The following DLG2 variants were observed in gnomAD, a reference collection of about 807,000 sequenced individuals.
DLG2 encodes discs large MAGUK scaffold protein 2.
Under a neutral mutation model 132.5 loss-of-function variants are expected in DLG2, and 45 were observed. That is an observed-to-expected ratio of 0.34 (90% CI 0.27 to 0.44). The LOEUF is 0.44. Among genes scored for constraint, DLG2 ranks in the 20% least tolerant of loss-of-function variants. The probability of loss-of-function intolerance (pLI) is 1.00; values close to 1 mark genes in which losing one functional copy is unlikely to be tolerated. For synonymous variants in DLG2, 424 were observed against 419.6 expected, an observed-to-expected ratio of 1.01 and a Z score of -0.13; for missense variants, 1,045 against 1,196.9, an observed-to-expected ratio of 0.87 and a Z score of 1.87.
chr11:85,573,838 T>C (rs144000340), intron 3 of DLG2, among the ~76,000 whole-genome samples: 46 of 152,340 alleles, frequency 3.0e-4, no homozygotes, highest in African/African-American at 1.1e-3. Flanking sequence ...AAAAGCTAAA[T>C]TCATGTGTGT....
intron 3 of DLG2, among the ~76,000 whole-genome samples, chr11:85,508,659 A>G (rs954093943): frequency 6.6e-6 from 1 of 152,092 alleles, no homozygotes; most frequent in African/African-American, 2.4e-5. Flanking sequence ...TACGCACCCA[A>G]TAGTTATTAA....
intron 6 of DLG2, among the ~76,000 whole-genome samples, chr11:84,827,696 A>AAAAAAAAAAT (rs2078509471): frequency 6.7e-6 from 1 of 149,770 alleles, no homozygotes; most frequent in African/African-American, 2.5e-5. Flanking sequence ...AAAAAAAAAA[A>AAAAAAAAAAT]AAGCCCAGGT....
intron 7 of DLG2, among the ~76,000 whole-genome samples, chr11:84,323,979 T>C (rs2098418504): frequency 6.6e-6 from 1 of 152,082 alleles, no homozygotes; most frequent in Admixed American, 6.6e-5. Flanking sequence ...AAGTATATAC[T>C]TCGCAAATAT....
At chr11:83,771,434 G>A (rs1035405848) in intron 18 of DLG2, among the ~76,000 whole-genome samples, 1 of 152,202 alleles carries the variant, frequency 6.6e-6, no homozygotes, top group Non-Finnish European at 1.5e-5. Flanking sequence ...TAACAATGGT[G>A]ATTATGTCTT....
chr11:84,460,203 A>G (rs1399636967), intron 7 of DLG2, among the ~76,000 whole-genome samples: 1 of 150,502 alleles, frequency 6.6e-6, no homozygotes, highest in Non-Finnish European at 1.5e-5. Context: ...CAGGGAGTAA[A>G]CTCTATTTAT....
intron 26 of DLG2, among the ~76,000 whole-genome samples, chr11:83,462,463 C>A (rs1434184397): frequency 6.6e-6 from 1 of 152,156 alleles, no homozygotes. Flanking sequence ...ATAAACTGTC[C>A]TATTGCTTCA....
At chr11:83,850,069 T>C (rs2059389710) in intron 16 of DLG2, among the ~76,000 whole-genome samples, 2 of 151,520 alleles carry the variant, frequency 1.3e-5, no homozygotes, top group South Asian at 4.2e-4. Flanking sequence ...GACAGGGAGG[T>C]AAGTAAAAAT....
At chr11:85,609,001 C>T (rs915095011) in intron 2 of DLG2, among the ~76,000 whole-genome samples, 1 of 152,162 alleles carries the variant, frequency 6.6e-6, no homozygotes. Context: ...TACTGACCAG[C>T]AAGCCATCCC....
chr11:84,499,009 C>A (rs987545699), intron 7 of DLG2, among the ~76,000 whole-genome samples: 1 of 152,146 alleles, frequency 6.6e-6, no homozygotes, highest in Non-Finnish European at 1.5e-5. Context: ...GTTTATGCTT[C>A]TTAGCCCCAG....
At chr11:84,650,346 T>C (rs1015486290) in intron 6 of DLG2, among the ~76,000 whole-genome samples, 6 of 152,168 alleles carry the variant, frequency 3.9e-5, no homozygotes, top group African/African-American at 1.4e-4. Flanking sequence ...TTCTCTCTCT[T>C]TCGTTGTAGG....
At chr11:84,818,190 G>A (rs1022976062) in intron 6 of DLG2, among the ~76,000 whole-genome samples, 3 of 151,992 alleles carry the variant, frequency 2.0e-5, no homozygotes, top group Admixed American at 1.3e-4. Context: ...AGAGGACAAT[G>A]ACTGGCAGGC....
chr11:84,515,223 A>G (rs1377359220), intron 7 of DLG2, among the ~76,000 whole-genome samples: 2 of 151,640 alleles, frequency 1.3e-5, no homozygotes, highest in African/African-American at 4.8e-5. Flanking sequence ...ACTTAAATAT[A>G]AATAGATTAA....
intron 6 of DLG2, among the ~76,000 whole-genome samples, chr11:84,741,507 C>A (rs1201077943): frequency 1.3e-5 from 2 of 151,954 alleles, no homozygotes; most frequent in Admixed American, 6.6e-5. Flanking sequence ...CCACCACCAC[C>A]ACCACCACAA....
At chr11:84,825,359 A>G (rs1344546264) in intron 6 of DLG2, among the ~76,000 whole-genome samples, 1 of 151,936 alleles carries the variant, frequency 6.6e-6, no homozygotes, top group Non-Finnish European at 1.5e-5. Flanking sequence ...CACACACTCA[A>G]CAGAGGCTTC....
intron 7 of DLG2, among the ~76,000 whole-genome samples, chr11:84,287,659 T>C (rs2097923329): frequency 1.3e-5 from 2 of 151,718 alleles, no homozygotes; most frequent in African/African-American, 4.8e-5. Flanking sequence ...TCTTTACCTC[T>C]TCCTCCCTCC....
chr11:83,958,120 G>C (rs1320849023), intron 14 of DLG2, among the ~76,000 whole-genome samples: 1 of 152,204 alleles, frequency 6.6e-6, no homozygotes, highest in Non-Finnish European at 1.5e-5. Context: ...AACTATGCTT[G>C]ACATGGGTAG....
chr11:84,228,064 T>G (rs1456359072), intron 8 of DLG2, among the ~76,000 whole-genome samples: 1 of 152,216 alleles, frequency 6.6e-6, no homozygotes, highest in Non-Finnish European at 1.5e-5. Context: ...CACAAACTAT[T>G]TCATGATTGG....
At chr11:84,606,987 T>C (rs2099586948) in intron 6 of DLG2, among the ~76,000 whole-genome samples, 1 of 152,168 alleles carries the variant, frequency 6.6e-6, no homozygotes, top group South Asian at 2.1e-4. Flanking sequence ...TGTTTCTAAA[T>C]CATTTCTACT....
chr11:84,496,079 G>A (rs941516390), intron 7 of DLG2, among the ~76,000 whole-genome samples: 3 of 152,142 alleles, frequency 2.0e-5, no homozygotes, highest in African/African-American at 7.2e-5. Flanking sequence ...GCTGAACTGA[G>A]CAGCTGTGTG....
Sources: allele counts gnomAD v4.1 joint callset (sites outside exome capture counted in the v4.1 genomes callset), GRCh38; gene constraint gnomAD v4.1.1; transcripts MANE v1.5; gene names NCBI Gene and HGNC (gene_info 2026-07-23, HGNC 2026-07-21).